Variants in SPATA16 observed in about 807,000 individuals in gnomAD.
SPATA16 encodes spermatogenesis associated 16.
A neutral mutation model predicts 63.3 loss-of-function variants in SPATA16; 36 were observed. The observed-to-expected ratio is 0.57, with a 90% confidence interval of 0.44 to 0.75. SPATA16 has a LOEUF of 0.75. SPATA16 is among the 30% of genes least tolerant of loss of function. The probability of loss-of-function intolerance (pLI) is 0.00; values close to 1 mark genes in which losing one functional copy is unlikely to be tolerated. For missense variants in SPATA16, 646 were observed against 679.3 expected (o/e 0.95, Z 0.54); for synonymous variants, 203 against 216.7 (o/e 0.94, Z 0.56).
intron 6 of SPATA16, among the ~76,000 whole-genome samples, chr3:172,927,074 T>A (rs1423462008): frequency 6.6e-6 from 1 of 152,232 alleles, no homozygotes; most frequent in Non-Finnish European, 1.5e-5. Context: ...GTGTTTTTTT[T>A]AACACCATTC....
intron 1 of SPATA16, among the ~76,000 whole-genome samples, chr3:173,123,771 T>G (rs1439848350): frequency 6.6e-6 from 1 of 151,788 alleles, no homozygotes; most frequent in East Asian, 1.9e-4. Flanking sequence ...GCCCAGCTAA[T>G]TTTTGTATTT....
intron 4 of SPATA16, among the ~76,000 whole-genome samples, chr3:172,995,814 A>G (rs1240194049): frequency 1.3e-5 from 2 of 152,126 alleles, no homozygotes; most frequent in African/African-American, 2.4e-5. Context: ...ACAGTACATT[A>G]ACGTATACTC....
At chr3:172,934,500 T>C (rs1241128513) in intron 6 of SPATA16, among the ~76,000 whole-genome samples, 1 of 152,176 alleles carries the variant, frequency 6.6e-6, no homozygotes, top group African/African-American at 2.4e-5. Flanking sequence ...ACAATGTTCT[T>C]AATTAAAAAA....
chr3:172,930,142 C>G (rs1732834638), intron 6 of SPATA16, among the ~76,000 whole-genome samples: 1 of 152,224 alleles, frequency 6.6e-6, no homozygotes, highest in Non-Finnish European at 1.5e-5. Flanking sequence ...CCACCAGTCT[C>G]ACTGCTACCA....
In SPATA16 at chr3:173,018,614, A is replaced by G. The variant is rs186124790; in HGVS notation, c.848+872T>C. On this transcript the variant is annotated intron_variant, in intron 4 of 10. Transcript: ENST00000351008. ...TTATACACTCAAACTCTTGCTTCCAATGTCAAAGATAGTATTATTTAAAAA... is the reference window on the plus strand; with the variant it reads ...TTATACACTCAAACTCTTGCTTCCAGTGTCAAAGATAGTATTATTTAAAAA... Among the ~76,000 whole-genome samples, 10 of 152,154 alleles carry G rather than the reference A, an allele frequency of 6.6e-5. No homozygotes were observed. In the East Asian group the frequency reaches 7.7e-4, roughly 12 times the overall value.
At chr3:173,108,992 C>T (rs758728303) in intron 2 of SPATA16, among the ~76,000 whole-genome samples, 8 of 152,266 alleles carry the variant, frequency 5.3e-5, no homozygotes, top group South Asian at 2.1e-4. Context: ...TTGTTAGCTA[C>T]GCATGACTGT....
Position 172,985,974 on chromosome 3 carries a change from A to G in SPATA16, c.849-8922T>C, listed in dbSNP as rs148780842. Among the ~76,000 whole-genome samples, 7 of 152,310 alleles carry G rather than the reference A, an allele frequency of 4.6e-5. No individual in the cohort carries two copies. In the East Asian group the frequency reaches 1.4e-3, roughly 29 times the overall value. Reference sequence around the variant, plus strand: ...AACTTCTGGTTTAAAAATCTCAGCCATTGCTAGTCTGGATTTAATAATGGA... The same window carrying G: ...AACTTCTGGTTTAAAAATCTCAGCCGTTGCTAGTCTGGATTTAATAATGGA... On this transcript the variant is annotated intron_variant, in intron 4 of 10. Transcript: ENST00000351008.
At chr3:173,045,106 C>A (rs534527068) in intron 3 of SPATA16, among the ~76,000 whole-genome samples, 1 of 152,222 alleles carries the variant, frequency 6.6e-6, no homozygotes, top group Non-Finnish European at 1.5e-5. Context: ...TGGCTCAGAC[C>A]TTGGCTAAGA....
chr3:172,949,078 A>G (rs1733364329), intron 6 of SPATA16, among the ~76,000 whole-genome samples: 1 of 152,156 alleles, frequency 6.6e-6, no homozygotes, highest in African/African-American at 2.4e-5. Context: ...TGGGATTAAT[A>G]AAGGGCCAGT....
chr3:173,010,978 T>A (rs564917110), intron 4 of SPATA16, among the ~76,000 whole-genome samples: 5 of 152,164 alleles, frequency 3.3e-5, no homozygotes, highest in African/African-American at 7.2e-5. Context: ...CTGGACCAGA[T>A]GGATTCACAC....
intron 2 of SPATA16, among the ~76,000 whole-genome samples, chr3:173,051,109 A>C (rs1736079423): frequency 6.6e-6 from 1 of 152,256 alleles, no homozygotes; most frequent in Non-Finnish European, 1.5e-5. Flanking sequence ...ATGACTATAA[A>C]ACACAAATAA....
intron 1 of SPATA16, among the ~76,000 whole-genome samples, chr3:173,123,958 C>T (rs1738158111): frequency 6.6e-6 from 1 of 152,044 alleles, no homozygotes; most frequent in South Asian, 2.1e-4. Context: ...GTAATTATGG[C>T]CCTGCTATAT....
At chr3:172,974,752 G>T (rs1734116843) in intron 5 of SPATA16, among the ~76,000 whole-genome samples, 1 of 152,084 alleles carries the variant, frequency 6.6e-6, no homozygotes, top group Non-Finnish European at 1.5e-5. Flanking sequence ...TTTTGGGTAA[G>T]ATTTTAGTGC....
chr3:172,976,553 A>G (rs1283479066), intron 5 of SPATA16, among the ~76,000 whole-genome samples: 1 of 152,182 alleles, frequency 6.6e-6, no homozygotes, highest in Non-Finnish European at 1.5e-5. Context: ...AATAGTAAAT[A>G]GTAAACAAAT....
At chr3:173,028,013 C>CCCTT (rs1244900376) in intron 3 of SPATA16, among the ~76,000 whole-genome samples, 6 of 35,070 alleles carry the variant, frequency 1.7e-4, no homozygotes, top group East Asian at 9.7e-4. Context: ...CTCCCTCCCT[C>CCCTT]CCTTCCTTCT....
chr3:172,956,746 C>G lies in SPATA16; in HGVS notation c.1012G>C (p.Asp338His), dbSNP rs199868908. The G allele has an allele frequency of 2.0e-5, 32 of 1,613,124 alleles. No homozygotes were observed. In the East Asian group the frequency reaches 6.5e-4, roughly 33 times the overall value. ...GCATCTTTTACTTTTTCTATTTTAT[C>G]AGCTCTTATTTTTGTCGCAAATGGT... ...YTPFATKIRA[D>H]KIEKVKDAFT... The change falls in exon 6 of 11, where the codon GAT becomes CAT. Residue 338 changes from aspartate (D) to histidine (H), a missense_variant. By Grantham distance (81) the Asp-to-His change is moderately conservative (BLOSUM62 -1). Coordinates refer to ENST00000351008, the MANE Select transcript of SPATA16 (RefSeq NM_031955.6).
At chr3:172,960,992 TTTTCTTTCTC>T (rs1471893681) in intron 5 of SPATA16, among the ~76,000 whole-genome samples, 29 of 150,418 alleles carry the variant, frequency 1.9e-4, no homozygotes, top group African/African-American at 4.4e-4. Context: ...TCTCTTTCTT[TTTTCTTTCTC>T]TTTCTTTCTT....
intron 2 of SPATA16, among the ~76,000 whole-genome samples, chr3:173,099,788 A>G (rs995204262): frequency 6.6e-6 from 1 of 152,196 alleles, no homozygotes; most frequent in South Asian, 2.1e-4. Context: ...CGAGAATCCC[A>G]CTGTGCTTTT....
At chr3:172,950,937 A>G (rs1733416510) in intron 6 of SPATA16, among the ~76,000 whole-genome samples, 1 of 152,108 alleles carries the variant, frequency 6.6e-6, no homozygotes, top group Non-Finnish European at 1.5e-5. Context: ...TGATATTTTC[A>G]TCAAGAGGAG....
Sources: allele counts gnomAD v4.1 joint callset (sites outside exome capture counted in the v4.1 genomes callset), GRCh38; gene constraint gnomAD v4.1.1; transcripts MANE v1.5; gene names NCBI Gene and HGNC (gene_info 2026-07-23, HGNC 2026-07-21).